ATE1: variants seen among roughly 807,000 people sequenced by gnomAD.
ATE1 encodes arginyl-tRNA--protein transferase 1.
A neutral mutation model predicts 70.5 loss-of-function variants in ATE1; 36 were observed. That is an observed-to-expected ratio of 0.51 (90% CI 0.39 to 0.67). ATE1 has a LOEUF of 0.67. Ranked by LOEUF, ATE1 falls within the 30% of genes least tolerant of loss-of-function variation. The pLI is 0.00. For synonymous variants in ATE1, 232 were observed against 219.3 expected (o/e 1.06, Z -0.51); for missense variants, 593 against 629.5 (o/e 0.94, Z 0.62).
chr10:121,862,532 A>ATTTTTTTT (rs35130703), intron 8 of ATE1, among the ~76,000 whole-genome samples: 13 of 105,382 alleles, frequency 1.2e-4, no homozygotes, highest in African/African-American at 3.0e-4. Context: ...AATTTTTTTA[A>ATTTTTTTT]TTTTTTTTTT....
intron 10 of ATE1, among the ~76,000 whole-genome samples, chr10:121,793,344 T>C (rs1590316767): frequency 6.6e-6 from 1 of 152,328 alleles, no homozygotes; most frequent in East Asian, 1.9e-4. Flanking sequence ...TGATAAAATA[T>C]AAATATTCTT....
chr10:121,907,462 CA>C (rs112503189), intron 5 of ATE1, among the ~76,000 whole-genome samples: 1 of 147,510 alleles, frequency 6.8e-6, no homozygotes. Flanking sequence ...GAGACTGTGT[CA>C]AAAAAAAATA....
intron 10 of ATE1, among the ~76,000 whole-genome samples, chr10:121,794,842 A>T (rs7903600): frequency 0.27 from 41,194 of 151,574 alleles, 6,148 homozygotes; most frequent in Middle Eastern, 0.33. Context: ...TTGAGTCCTT[A>T]AGGTTAAAAC....
chr10:121,812,746 C>A lies in ATE1; in HGVS notation c.1258-22457G>T, dbSNP rs548589369. Among the ~76,000 whole-genome samples the A allele has an allele frequency of 1.2e-4, 18 of 152,264 alleles. 1 individual carries two copies. In the East Asian group the frequency reaches 2.5e-3, roughly 21 times the overall value. ...TATAATTTCATTTGTAAATCAAGTT[C>A]AAAACTCCGTGTAGCTAAACATGCA... On this transcript the variant is annotated intron_variant, in intron 10 of 11. Transcript: ENST00000224652.
chr10:121,848,784 G>A (rs1387889637), intron 8 of ATE1, among the ~76,000 whole-genome samples: 2 of 150,050 alleles, frequency 1.3e-5, no homozygotes, highest in South Asian at 2.1e-4. Context: ...GGTGATGGGC[G>A]CCTGTAATCC....
intron 10 of ATE1, among the ~76,000 whole-genome samples, chr10:121,834,800 A>G (rs944973575): frequency 6.6e-6 from 1 of 152,214 alleles, no homozygotes; most frequent in African/African-American, 2.4e-5. Context: ...TTTCAAGAGA[A>G]ATGCTGTGAG....
intron 10 of ATE1, among the ~76,000 whole-genome samples, chr10:121,825,448 G>A (rs1947970631): frequency 6.6e-6 from 1 of 152,204 alleles, no homozygotes; most frequent in Non-Finnish European, 1.5e-5. Flanking sequence ...AGGACCCTGT[G>A]CTCAAGGAAG....
intron 7 of ATE1, among the ~76,000 whole-genome samples, chr10:121,888,985 C>T (rs1950495534): frequency 6.6e-6 from 1 of 152,068 alleles, no homozygotes; most frequent in Admixed American, 6.6e-5. Context: ...CAAGCAGGGG[C>T]TTCTGAGGAG....
At chr10:121,841,287 C>A (rs1204831766) in intron 8 of ATE1, 24 bp from the exon 9 acceptor site, 3 of 1,375,338 alleles carry the variant, frequency 2.2e-6, no homozygotes, top group East Asian at 5.3e-5. Context: ...GAGGCACAAA[C>A]AGCCATTTTT....
chr10:121,916,833 TCAAA>T lies in ATE1; in HGVS notation c.234-2944_234-2941del, dbSNP rs932167343. ...CTGGGCAACAAAACGAGACTCCGTC[TCAAA>T]CAAAAAAAAAAAATCCCCAAGATGA... On this transcript the variant is annotated intron_variant, in intron 3 of 11. Transcript: ENST00000224652. 9.1e-5 allele frequency among the ~76,000 whole-genome samples: 13 copies of T among 143,282 alleles called. 1 individual carries two copies. The highest frequency in any genetic ancestry group is 3.3e-4 in the African/African-American group (13 of 39,224). 94.0% of individuals were successfully genotyped at this position (143,282 alleles called of 152,430 possible). A position where few individuals can be genotyped will look rare whatever the true frequency, so the allele number is the denominator to read the frequency against.
intron 5 of ATE1, among the ~76,000 whole-genome samples, chr10:121,906,643 G>C (rs1231070497): frequency 1.3e-5 from 2 of 152,008 alleles, no homozygotes; most frequent in African/African-American, 4.8e-5. Context: ...CTGTCACCCA[G>C]GCTGGAGTGC....
chr10:121,892,807 G>A (rs1457803246), intron 7 of ATE1, among the ~76,000 whole-genome samples: 2 of 152,210 alleles, frequency 1.3e-5, no homozygotes, highest in Admixed American at 6.5e-5. Context: ...GAGCCATGGC[G>A]CCCAGCCTCA....
chr10:121,832,472 C>T (rs1206778691), intron 10 of ATE1, among the ~76,000 whole-genome samples: 1 of 152,132 alleles, frequency 6.6e-6, no homozygotes, highest in Admixed American at 6.5e-5. Flanking sequence ...AATTGTACTC[C>T]CATAATTTGC....
rs574474403 is a variant in ATE1 at position 121,786,908 on chromosome 10, A to T, written c.1378+3261T>A. 2.0e-5 allele frequency among the ~76,000 whole-genome samples: 3 copies of T among 152,338 alleles called. No homozygotes were observed. In the South Asian group the frequency reaches 6.2e-4, roughly 32 times the overall value. On this transcript the variant is annotated intron_variant, in intron 11 of 11. Transcript: ENST00000224652. ...TCTATACATATTCAGTTACTAATTT[A>T]AAAAATCTAACAGACTTTTACTTAA...
At chr10:121,824,328 G>T (rs1368603388) in intron 10 of ATE1, among the ~76,000 whole-genome samples, 1 of 152,172 alleles carries the variant, frequency 6.6e-6, no homozygotes, top group Admixed American at 6.6e-5. Flanking sequence ...GTGTCCACAT[G>T]CATCACCCCG....
At chr10:121,916,974 G>A (rs1212225824) in intron 3 of ATE1, among the ~76,000 whole-genome samples, 1 of 151,966 alleles carries the variant, frequency 6.6e-6, no homozygotes, top group Admixed American at 6.6e-5. Flanking sequence ...GACCAGCCTG[G>A]CCAACATGAT....
At chr10:121,924,758 T>C (rs981692347) in intron 1 of ATE1, among the ~76,000 whole-genome samples, 8 of 150,906 alleles carry the variant, frequency 5.3e-5, no homozygotes, top group Admixed American at 1.3e-4. Context: ...TCATATTGGA[T>C]AAATGAAAAG....
chr10:121,749,475 A>G (rs1321034523), intron 11 of ATE1, among the ~76,000 whole-genome samples: 1 of 152,216 alleles, frequency 6.6e-6, no homozygotes, highest in Non-Finnish European at 1.5e-5. Context: ...AGTACTTTAG[A>G]AAAAGGAAAC....
At chr10:121,870,095 A>G in intron 7 of ATE1, 57 bp from the exon 8 acceptor site, 1 of 1,526,324 alleles carries the variant, frequency 6.6e-7, no homozygotes, top group Non-Finnish European at 9.0e-7. Flanking sequence ...GCAAAAAGGA[A>G]CACAGAGAAA....
Sources: gnomAD v4.1 joint callset for allele counts (sites outside exome capture counted in the v4.1 genomes callset) on GRCh38, gnomAD v4.1.1 for gene constraint, MANE v1.5 for transcripts, NCBI Gene and HGNC (gene_info 2026-07-23, HGNC 2026-07-21) for gene names.